The following GMCL1 variants were observed in gnomAD, a reference collection of about 807,000 sequenced individuals.
GMCL1 encodes germ cell-less protein-like 1.
Under a neutral mutation model 75.5 loss-of-function variants are expected in GMCL1, and 54 were observed. That is an observed-to-expected ratio of 0.71 (90% confidence interval 0.57 to 0.90). GMCL1 has a LOEUF of 0.90. GMCL1 is among the 40% of genes least tolerant of loss of function. The pLI is 0.00. For synonymous variants in GMCL1, 210 were observed against 209.6 expected, an observed-to-expected ratio of 1.00 and a Z score of -0.02; for missense variants, 537 against 622.7, an observed-to-expected ratio of 0.86 and a Z score of 1.47.
chr2:69,858,802 A>G (rs956291603), intron 9 of GMCL1, among the ~76,000 whole-genome samples: 4 of 152,208 alleles, frequency 2.6e-5, no homozygotes, highest in Non-Finnish European at 5.9e-5. Context: ...AACTTGTTCA[A>G]ATGCTTTTGG....
intron 1 of GMCL1, among the ~76,000 whole-genome samples, chr2:69,836,529 CAT>C (rs1255161228): frequency 6.6e-6 from 1 of 152,162 alleles, no homozygotes; most frequent in Non-Finnish European, 1.5e-5. Context: ...ACCACTAAGA[CAT>C]GTGCTGTTTT....
intron 9 of GMCL1, among the ~76,000 whole-genome samples, chr2:69,857,558 G>A (rs981317975): frequency 6.6e-6 from 1 of 152,112 alleles, no homozygotes; most frequent in East Asian, 1.9e-4. Flanking sequence ...AAATGAAAAG[G>A]TATGTAAATC....
In GMCL1 at chr2:69,879,634, G is replaced by A. The variant is rs949485614; in HGVS notation, c.*630G>A. The A allele has an allele frequency of 3.3e-5, 5 of 151,984 alleles. No individual in the cohort carries two copies. The East Asian group carries it at 7.7e-4, about 23-fold the overall frequency. 9.4% of individuals were successfully genotyped at this position (151,984 alleles called of 1,614,324 possible). ...CTGATAAACTTTTTTTAAAACTTAA[G>A]CATTGTCATTGCTATTTTTTTTAAT... On this transcript the variant is annotated 3_prime_UTR_variant, in exon 14 of 14. Coordinates refer to ENST00000282570, the MANE Select transcript of GMCL1 (RefSeq NM_178439.5).
At chr2:69,835,023 G>A (rs1001181826) in intron 1 of GMCL1, among the ~76,000 whole-genome samples, 3 of 152,086 alleles carry the variant, frequency 2.0e-5, no homozygotes, top group South Asian at 2.1e-4. Flanking sequence ...GAAATGTGCT[G>A]TGATCCATGA....
In GMCL1 at chr2:69,829,717, G is replaced by A; in HGVS notation, c.-176G>A. The A allele has an allele frequency of 1.4e-6, 1 of 702,298 alleles. No homozygotes were observed. Among genetic ancestry groups the A allele is most frequent in the Non-Finnish European group, 2.3e-6 (1 of 443,192 alleles). 43.5% of individuals were successfully genotyped at this position (702,298 alleles called of 1,614,324 possible). ...GCGGTGCTAGAGCGCGGCGCGACCGGACGCTGCGGGCGGGGAAGAGGATGG... is the reference window on the plus strand; with the variant it reads ...GCGGTGCTAGAGCGCGGCGCGACCGAACGCTGCGGGCGGGGAAGAGGATGG... On this transcript the variant is annotated 5_prime_UTR_variant, in exon 1 of 14. Coordinates refer to ENST00000282570, the MANE Select transcript of GMCL1 (RefSeq NM_178439.5).
intron 13 of GMCL1, among the ~76,000 whole-genome samples, chr2:69,875,695 C>T (rs1294236255): frequency 1.3e-5 from 2 of 151,180 alleles, no homozygotes; most frequent in African/African-American, 4.9e-5. Context: ...TAGTATTTTA[C>T]ATTTCTTTTT....
Position 69,830,117 on chromosome 2 carries a change from G to A in GMCL1, c.225G>A (p.Gly75=), listed in dbSNP as rs778781944. Residue 75 remains glycine, a synonymous_variant, in exon 1 of 14, where the codon GGG becomes GGA. Transcript: ENST00000282570. ...DSETDEDEEE[G]DEQQRLLNTP... Reference sequence around the variant, plus strand: ...AGACGGACGAGGATGAGGAGGAGGGGGACGAGCAGCAGCGGCTCCTCAACA... The same window carrying A: ...AGACGGACGAGGATGAGGAGGAGGGAGACGAGCAGCAGCGGCTCCTCAACA... 1 of 1,578,108 alleles carries A rather than the reference G, an allele frequency of 6.3e-7. No homozygotes were observed. Among genetic ancestry groups the A allele is most frequent in the Non-Finnish European group, 8.6e-7 (1 of 1,161,464 alleles).
At chr2:69,830,566 C>T (rs1305749972) in intron 1 of GMCL1, among the ~76,000 whole-genome samples, 1 of 152,178 alleles carries the variant, frequency 6.6e-6, no homozygotes, top group Admixed American at 6.5e-5. Flanking sequence ...GAAATAGGCA[C>T]TCTTATTGTC....
chr2:69,877,706 T>G (rs199879773), intron 13 of GMCL1, among the ~76,000 whole-genome samples: 131 of 149,960 alleles, frequency 8.7e-4, no homozygotes, highest in African/African-American at 2.7e-3. Context: ...GATTGTGTGT[T>G]TGTGTGTGTG....
chr2:69,850,273 G>A (rs1334725112), intron 8 of GMCL1, among the ~76,000 whole-genome samples: 3 of 152,124 alleles, frequency 2.0e-5, no homozygotes, highest in Non-Finnish European at 2.9e-5. Flanking sequence ...ATCTAAAATT[G>A]GTTAAGATCA....
At chr2:69,869,168 G>T (rs1675910296) in intron 11 of GMCL1, among the ~76,000 whole-genome samples, 1 of 151,416 alleles carries the variant, frequency 6.6e-6, no homozygotes, top group South Asian at 2.1e-4. Flanking sequence ...AGAATCGCTT[G>T]AACCCGGGAG....
At chr2:69,874,987 C>T (rs534411857) in intron 13 of GMCL1, among the ~76,000 whole-genome samples, 1 of 152,256 alleles carries the variant, frequency 6.6e-6, no homozygotes, top group East Asian at 1.9e-4. Flanking sequence ...TCAAGTGATC[C>T]ACCTGCCTCC....
chr2:69,836,029 T>C (rs184208962), intron 1 of GMCL1, among the ~76,000 whole-genome samples: 1 of 152,312 alleles, frequency 6.6e-6, no homozygotes, highest in African/African-American at 2.4e-5. Flanking sequence ...TGCCTCAGTA[T>C]CTGTACTCTC....
chr2:69,867,378 C>T (rs1212706633), intron 11 of GMCL1, among the ~76,000 whole-genome samples: 1 of 152,096 alleles, frequency 6.6e-6, no homozygotes, highest in Non-Finnish European at 1.5e-5. Context: ...AGCATACCCT[C>T]AATTTTTGCA....
chr2:69,869,581 A>C, intron 11 of GMCL1, 138 bp from the exon 12 acceptor site: 1 of 729,280 alleles, frequency 1.4e-6, no homozygotes, highest in East Asian at 2.7e-5. Flanking sequence ...GCCTTAAGAA[A>C]AAGTCACTGA....
chr2:69,851,297 G>A (rs1406974030), intron 8 of GMCL1, among the ~76,000 whole-genome samples: 1 of 151,998 alleles, frequency 6.6e-6, no homozygotes, highest in Non-Finnish European at 1.5e-5. Context: ...AATTAGCAGG[G>A]CAGCCTGGCA....
Position 69,855,012 on chromosome 2 carries a change from A to G in GMCL1, c.1072+52A>G, listed in dbSNP as rs1011154329. 4 of 1,301,144 alleles carry G rather than the reference A, an allele frequency of 3.1e-6. No homozygotes were observed. In the African/African-American group the frequency reaches 6.1e-5, roughly 20 times the overall value. The allele number at this position is 1,301,144 out of a possible 1,614,324, so 80.6% of individuals were successfully genotyped here. A position where few individuals can be genotyped will look rare whatever the true frequency, so the allele number is the denominator to read the frequency against. ...AGTAATATATTTCTGATTATAAAGT[A>G]ATATAGATCATAGAAAAGAACAAGG... is the stretch of plus-strand genomic sequence containing the variant. On this transcript the variant is annotated intron_variant, in intron 9 of 13. Coordinates refer to ENST00000282570, the MANE Select transcript of GMCL1 (RefSeq NM_178439.5).
intron 1 of GMCL1, among the ~76,000 whole-genome samples, chr2:69,835,533 T>G (rs947321168): frequency 2.0e-5 from 3 of 151,934 alleles, no homozygotes; most frequent in African/African-American, 4.8e-5. Context: ...GTGTTTTAAT[T>G]GAGGAAATAG....
Position 69,829,662 on chromosome 2 carries a change from T to C in GMCL1, c.-231T>C, listed in dbSNP as rs1028848550. The C allele has an allele frequency of 9.7e-6, 5 of 517,092 alleles. No homozygotes were observed. The highest frequency in any genetic ancestry group is 1.7e-5 in the Non-Finnish European group (5 of 297,986). The allele number at this position is 517,092 out of a possible 1,614,324, so 32.0% of individuals were successfully genotyped here. A position where few individuals can be genotyped will look rare whatever the true frequency, so the allele number is the denominator to read the frequency against. On this transcript the variant is annotated 5_prime_UTR_variant, in exon 1 of 14. Transcript: ENST00000282570. ...TACGCATGCGCCCTCCGTCCCGCGC[T>C]TTGTTGCGAAAGCGAGGGGGCGAGG...
Sources: gnomAD v4.1 joint callset for allele counts (sites outside exome capture counted in the v4.1 genomes callset) on GRCh38, gnomAD v4.1.1 for gene constraint, MANE v1.5 for transcripts, NCBI Gene and HGNC (gene_info 2026-07-23, HGNC 2026-07-21) for gene names.